MARCHF1: variants seen among roughly 807,000 people sequenced by gnomAD.
The protein encoded by MARCHF1 is membrane associated ring-CH-type finger 1.
Under a neutral mutation model 54.2 loss-of-function variants are expected in MARCHF1, and 40 were observed. That is an observed-to-expected ratio of 0.74 (90% CI 0.57 to 0.96). The LOEUF (loss-of-function observed/expected upper bound fraction) is 0.96, where lower values mean the gene tolerates loss of function less well. Ranked by LOEUF, MARCHF1 falls within the 40% of genes least tolerant of loss-of-function variation. The pLI is 0.00. For missense variants in MARCHF1, 586 were observed against 656.5 expected (o/e 0.89, Z 1.17); for synonymous variants, 236 against 236.3 (o/e 1.00, Z 0.01).
At chr4:163,660,214 T>C (rs555524051) in intron 5 of MARCHF1, among the ~76,000 whole-genome samples, 1 of 152,140 alleles carries the variant, frequency 6.6e-6, no homozygotes, top group South Asian at 2.1e-4. Context: ...GAAGGAATAC[T>C]ATGCAGCCAT....
At chr4:164,232,376 A>G (rs548570408) in intron 1 of MARCHF1, among the ~76,000 whole-genome samples, 1 of 152,168 alleles carries the variant, frequency 6.6e-6, no homozygotes, top group Middle Eastern at 3.2e-3. Context: ...AAGTTGTATC[A>G]CACACACAGA....
chr4:163,732,095 AAATC>A (rs1177915447), intron 4 of MARCHF1, among the ~76,000 whole-genome samples: 2 of 152,192 alleles, frequency 1.3e-5, no homozygotes, highest in East Asian at 3.8e-4. Context: ...CTGAGAAGGA[AAATC>A]AATCATTCAA....
At chr4:164,012,763 T>C (rs573467831) in intron 2 of MARCHF1, among the ~76,000 whole-genome samples, 1 of 152,106 alleles carries the variant, frequency 6.6e-6, no homozygotes, top group Non-Finnish European at 1.5e-5. Context: ...TTCTCCCTTA[T>C]CTTACCCAAG....
chr4:163,611,530 T>C (rs971553727), intron 7 of MARCHF1, among the ~76,000 whole-genome samples: 2 of 152,140 alleles, frequency 1.3e-5, no homozygotes, highest in African/African-American at 4.8e-5. Context: ...AATGTACAAA[T>C]ATATTTTTTT....
At chr4:164,041,499 T>C (rs559623319) in intron 2 of MARCHF1, among the ~76,000 whole-genome samples, 1 of 152,308 alleles carries the variant, frequency 6.6e-6, no homozygotes, top group South Asian at 2.1e-4. Flanking sequence ...CCCTGAGCAA[T>C]TATTTGTTGA....
intron 4 of MARCHF1, among the ~76,000 whole-genome samples, chr4:163,721,346 T>C (rs903548094): frequency 6.6e-6 from 1 of 152,334 alleles, no homozygotes; most frequent in South Asian, 2.1e-4. Flanking sequence ...GATTTGCATA[T>C]GTTGAACCAG....
chr4:163,575,679 G>A (rs1231648472), intron 8 of MARCHF1, among the ~76,000 whole-genome samples: 3 of 151,672 alleles, frequency 2.0e-5, no homozygotes, highest in African/African-American at 7.3e-5. Flanking sequence ...ATCTGGTTTG[G>A]GGCTTTTTAA....
At chr4:163,712,598 T>C (rs1260857595) in intron 4 of MARCHF1, among the ~76,000 whole-genome samples, 1 of 152,186 alleles carries the variant, frequency 6.6e-6, no homozygotes, top group Non-Finnish European at 1.5e-5. Flanking sequence ...TATTCAACTC[T>C]TTCTTATTCC....
At chr4:163,945,431 A>C (rs527493043) in intron 3 of MARCHF1, among the ~76,000 whole-genome samples, 1 of 152,284 alleles carries the variant, frequency 6.6e-6, no homozygotes, top group East Asian at 1.9e-4. Context: ...GAGCAGCTGC[A>C]AGTAGAGTAA....
At chr4:163,729,680 G>A (rs1394561023) in intron 4 of MARCHF1, among the ~76,000 whole-genome samples, 3 of 152,010 alleles carry the variant, frequency 2.0e-5, no homozygotes, top group Non-Finnish European at 2.9e-5. Flanking sequence ...ACTTTTTGAT[G>A]TCTATAAGAT....
chr4:164,006,846 C>T (rs1164276386), intron 2 of MARCHF1, among the ~76,000 whole-genome samples: 1 of 151,582 alleles, frequency 6.6e-6, no homozygotes. Context: ...AAAAGAAGCA[C>T]CATCCAAGAA....
intron 1 of MARCHF1, among the ~76,000 whole-genome samples, chr4:164,376,475 C>A (rs1442154354): frequency 6.6e-6 from 1 of 152,070 alleles, no homozygotes; most frequent in Non-Finnish European, 1.5e-5. Flanking sequence ...AAATTATGTG[C>A]AAATAATACA....
At chr4:164,290,388 C>T (rs561702792) in intron 1 of MARCHF1, among the ~76,000 whole-genome samples, 21 of 152,082 alleles carry the variant, frequency 1.4e-4, no homozygotes, top group African/African-American at 4.6e-4. Context: ...GTTATATAAA[C>T]AGTTGAGGTT....
At chr4:164,094,469 G>A (rs567188978) in intron 2 of MARCHF1, among the ~76,000 whole-genome samples, 6 of 152,256 alleles carry the variant, frequency 3.9e-5, no homozygotes, top group African/African-American at 1.4e-4. Flanking sequence ...AGTAAGATTT[G>A]AGCAGTGGAT....
intron 1 of MARCHF1, among the ~76,000 whole-genome samples, chr4:164,356,769 AAAAAG>A (rs1300716330): frequency 7.0e-6 from 1 of 142,928 alleles, no homozygotes; most frequent in Non-Finnish European, 1.5e-5. Context: ...ATAATAAAAA[AAAAAG>A]AAAAGCAAAA....
At chr4:164,304,175 G>A (rs983271523) in intron 1 of MARCHF1, among the ~76,000 whole-genome samples, 1 of 152,150 alleles carries the variant, frequency 6.6e-6, no homozygotes, top group African/African-American at 2.4e-5. Flanking sequence ...CAGAAACTAT[G>A]TTACATGATT....
At chr4:164,039,314 A>T (rs548682453) in intron 2 of MARCHF1, among the ~76,000 whole-genome samples, 1 of 152,338 alleles carries the variant, frequency 6.6e-6, no homozygotes, top group African/African-American at 2.4e-5. Context: ...CTTGCCTCAG[A>T]GTAGCAACAT....
At chr4:164,353,790 C>CA in intron 1 of MARCHF1, among the ~76,000 whole-genome samples, 1 of 132,878 alleles carries the variant, frequency 7.5e-6, no homozygotes, top group South Asian at 2.7e-4. Context: ...AATAGAGACA[C>CA]AAAAAACCCT....
intron 3 of MARCHF1, among the ~76,000 whole-genome samples, chr4:163,940,704 A>C (rs1317087785): frequency 6.6e-6 from 1 of 152,182 alleles, no homozygotes; most frequent in Admixed American, 6.5e-5. Flanking sequence ...TTATAAACTA[A>C]ATATGGAACT....
Sources: gnomAD v4.1 joint callset for allele counts (sites outside exome capture counted in the v4.1 genomes callset) on GRCh38, gnomAD v4.1.1 for gene constraint, MANE v1.5 for transcripts, NCBI Gene and HGNC (gene_info 2026-07-23, HGNC 2026-07-21) for gene names.